The following KATNA1 variants were observed in gnomAD, a reference collection of about 807,000 sequenced individuals.
KATNA1 encodes katanin p60 ATPase-containing subunit A1.
A neutral mutation model predicts 62.6 loss-of-function variants in KATNA1; 42 were observed. The ratio of observed to expected loss-of-function variants is 0.67; its 90% confidence interval spans 0.52 to 0.87. KATNA1 has a LOEUF of 0.87. KATNA1 is among the 40% of genes least tolerant of loss of function. The probability of loss-of-function intolerance (pLI) is 0.00; values close to 1 mark genes in which losing one functional copy is unlikely to be tolerated. For synonymous variants in KATNA1, 186 were observed against 201.9 expected, an observed-to-expected ratio of 0.92 and a Z score of 0.67; for missense variants, 498 against 612.5, an observed-to-expected ratio of 0.81 and a Z score of 1.97.
At chr6:149,616,461 CA>C (rs967892969) in intron 4 of KATNA1, among the ~76,000 whole-genome samples, 3 of 152,116 alleles carry the variant, frequency 2.0e-5, no homozygotes, top group African/African-American at 7.2e-5. Flanking sequence ...TGTCATTCTT[CA>C]AAAAATTAAA....
intron 7 of KATNA1, among the ~76,000 whole-genome samples, chr6:149,600,919 G>A (rs1778520469): frequency 6.6e-6 from 1 of 152,010 alleles, no homozygotes; most frequent in Non-Finnish European, 1.5e-5. Context: ...ACCAGCCTAG[G>A]CAAGACTGAG....
At chr6:149,645,660 A>G (rs1238542784) in intron 1 of KATNA1, among the ~76,000 whole-genome samples, 2 of 152,188 alleles carry the variant, frequency 1.3e-5, no homozygotes, top group Non-Finnish European at 2.9e-5. Context: ...TTTTTCCTTT[A>G]CATTATTCTA....
At chr6:149,620,045 GGATGAGTTTGGA>G (rs1167475383) in intron 4 of KATNA1, among the ~76,000 whole-genome samples, 1 of 152,176 alleles carries the variant, frequency 6.6e-6, no homozygotes, top group Non-Finnish European at 1.5e-5. Context: ...ATGGCAACAT[GGATGAGTTTGGA>G]GGATATCATG....
At chr6:149,632,461 C>T (rs1779887680) in intron 3 of KATNA1, among the ~76,000 whole-genome samples, 1 of 152,040 alleles carries the variant, frequency 6.6e-6, no homozygotes, top group Non-Finnish European at 1.5e-5. Flanking sequence ...CAAAGACAGA[C>T]ACGGAGCTTG....
chr6:149,608,828 C>A (rs1172383465), intron 4 of KATNA1, among the ~76,000 whole-genome samples: 1 of 152,204 alleles, frequency 6.6e-6, no homozygotes, highest in Non-Finnish European at 1.5e-5. Context: ...AAGGCCTCTG[C>A]CCCTAGGCAG....
intron 1 of KATNA1, among the ~76,000 whole-genome samples, chr6:149,642,199 C>G (rs1780317868): frequency 6.6e-6 from 1 of 152,188 alleles, no homozygotes; most frequent in Non-Finnish European, 1.5e-5. Context: ...ATGCGCCTGG[C>G]CGAGAGACCT....
At chr6:149,634,905 A>G (rs1342485773) in intron 2 of KATNA1, among the ~76,000 whole-genome samples, 1 of 151,534 alleles carries the variant, frequency 6.6e-6, no homozygotes, top group Non-Finnish European at 1.5e-5. Context: ...ATAGGTCTCA[A>G]TTCATATGCA....
intron 1 of KATNA1, among the ~76,000 whole-genome samples, chr6:149,643,025 AGACTAT>A (rs1176119373): frequency 3.9e-5 from 6 of 152,212 alleles, no homozygotes; most frequent in Non-Finnish European, 8.8e-5. Context: ...TTCCGAGATT[AGACTAT>A]GACTTGCATC....
intron 1 of KATNA1, among the ~76,000 whole-genome samples, chr6:149,642,755 G>A (rs1467991304): frequency 1.3e-5 from 2 of 152,144 alleles, no homozygotes; most frequent in Non-Finnish European, 2.9e-5. Context: ...TTTAAAGGAT[G>A]CATACATATC....
chr6:149,630,899 C>T (rs1264922480), intron 3 of KATNA1, among the ~76,000 whole-genome samples: 1 of 152,134 alleles, frequency 6.6e-6, no homozygotes, highest in East Asian at 1.9e-4. Flanking sequence ...TTATAAAACA[C>T]AATATATCTA....
At chr6:149,610,446 T>C (rs1381472415) in intron 4 of KATNA1, among the ~76,000 whole-genome samples, 2 of 151,998 alleles carry the variant, frequency 1.3e-5, no homozygotes, top group African/African-American at 4.8e-5. Flanking sequence ...AAACAGACCA[T>C]ATCTTAAGCC....
chr6:149,624,082 A>G (rs1779514926), intron 3 of KATNA1, among the ~76,000 whole-genome samples: 2 of 152,070 alleles, frequency 1.3e-5, no homozygotes, highest in African/African-American at 4.8e-5. Context: ...TGAATTTTGG[A>G]TTTTTTCAGA....
At chr6:149,627,699 A>G (rs1323570470) in intron 3 of KATNA1, among the ~76,000 whole-genome samples, 1 of 142,718 alleles carries the variant, frequency 7.0e-6, no homozygotes, top group Admixed American at 7.2e-5. Context: ...AAGAGAAGGG[A>G]AAGGGGCTAC....
chr6:149,608,808 C>T (rs1471158533), intron 4 of KATNA1, among the ~76,000 whole-genome samples: 1 of 152,186 alleles, frequency 6.6e-6, no homozygotes, highest in Non-Finnish European at 1.5e-5. Flanking sequence ...CGCAGCTCAG[C>T]AGTAATGAGA....
intron 1 of KATNA1, among the ~76,000 whole-genome samples, chr6:149,644,989 A>G (rs1164156567): frequency 6.6e-6 from 1 of 152,160 alleles, no homozygotes; most frequent in Non-Finnish European, 1.5e-5. Context: ...ATTACTCTCT[A>G]AGCCCAAAAC....
At chr6:149,608,797 C>T (rs763540944) in intron 4 of KATNA1, among the ~76,000 whole-genome samples, 12 of 152,204 alleles carry the variant, frequency 7.9e-5, no homozygotes, top group Non-Finnish European at 1.2e-4. Context: ...AGAACTTCCA[C>T]CGCAGCTCAG....
intron 1 of KATNA1, among the ~76,000 whole-genome samples, chr6:149,639,253 C>T (rs568783977): frequency 1.1e-4 from 16 of 152,050 alleles, no homozygotes; most frequent in African/African-American, 2.9e-4. Flanking sequence ...AGGCCAAGAT[C>T]GTGCCACTGT....
intron 4 of KATNA1, among the ~76,000 whole-genome samples, chr6:149,618,622 C>A (rs1313536199): frequency 6.6e-6 from 1 of 152,126 alleles, no homozygotes; most frequent in Admixed American, 6.6e-5. Context: ...ATGGTACTGG[C>A]ATAAAAACAG....
intron 2 of KATNA1, among the ~76,000 whole-genome samples, chr6:149,634,165 T>C (rs948635521): frequency 6.7e-6 from 1 of 148,382 alleles, no homozygotes. Flanking sequence ...CTCAGCTACT[T>C]GGGAGGCCGA....
Sources: allele counts gnomAD v4.1 joint callset (sites outside exome capture counted in the v4.1 genomes callset), GRCh38; gene constraint gnomAD v4.1.1; transcripts MANE v1.5; gene names NCBI Gene and HGNC (gene_info 2026-07-23, HGNC 2026-07-21).